The following LTBP2 variants were observed in gnomAD, a reference collection of about 807,000 sequenced individuals.
LTBP2 encodes the protein latent transforming growth factor beta binding protein 2, also known as latent-transforming growth factor beta-binding protein 2.
A neutral mutation model predicts 210.6 loss-of-function variants in LTBP2; 103 were observed. The observed-to-expected ratio is 0.49, with a 90% CI of 0.42 to 0.58. The LOEUF is 0.58. LTBP2 is among the 20% of genes least tolerant of loss of function. The pLI is 0.00. For missense variants in LTBP2, 2,313 were observed against 2,494.5 expected, an observed-to-expected ratio of 0.93 and a Z score of 1.55; for synonymous variants, 1,007 against 1,015.0, an observed-to-expected ratio of 0.99 and a Z score of 0.15.
intron 5 of LTBP2, 48 bp downstream of exon 5, chr14:74,552,844 T>C (rs369816471): frequency 1.0e-5 from 16 of 1,585,348 alleles, no homozygotes; most frequent in Non-Finnish European, 1.2e-5. Context: ...TCTGGCCATC[T>C]ACCCTCCAGG....
chr14:74,525,985 A>C (rs1216854612), intron 14 of LTBP2, 90 bp downstream of exon 14: 1 of 1,332,754 alleles, frequency 7.5e-7, no homozygotes, highest in Non-Finnish European at 1.1e-6. Flanking sequence ...GTGAGCGTGA[A>C]CCAGCTCACA....
At chr14:74,528,211 C>T (rs1018762453) in intron 12 of LTBP2, among the ~76,000 whole-genome samples, 3 of 152,186 alleles carry the variant, frequency 2.0e-5, no homozygotes, top group Non-Finnish European at 2.9e-5. Flanking sequence ...GAGGCCTGAT[C>T]GCTGGGGTGG....
At chr14:74,516,552 G>A (rs781092435) in intron 18 of LTBP2, among the ~76,000 whole-genome samples, 7 of 152,146 alleles carry the variant, frequency 4.6e-5, no homozygotes, top group East Asian at 1.9e-4. Context: ...GCAACAGGGC[G>A]GAGGTTACAG....
chr14:74,571,929 C>G (rs1426587848), intron 3 of LTBP2, among the ~76,000 whole-genome samples: 1 of 151,192 alleles, frequency 6.6e-6, no homozygotes, highest in Non-Finnish European at 1.5e-5. Flanking sequence ...CCTTTTAGAC[C>G]TTTCACAAAT....
At chr14:74,601,064 A>T (rs1325185837) in intron 2 of LTBP2, among the ~76,000 whole-genome samples, 1 of 152,086 alleles carries the variant, frequency 6.6e-6, no homozygotes, top group East Asian at 1.9e-4. Context: ...GGATGCTGTT[A>T]AAAAAATTAC....
At chr14:74,589,509 G>A (rs1429732720) in intron 2 of LTBP2, among the ~76,000 whole-genome samples, 1 of 152,178 alleles carries the variant, frequency 6.6e-6, no homozygotes, top group Non-Finnish European at 1.5e-5. Context: ...TCATGCCCAG[G>A]CACCTCTTCC....
rs529982792 is a variant in LTBP2 at position 74,527,924 on chromosome 14, C to T, written c.2369-558G>A. On this transcript the variant is annotated intron_variant, in intron 12 of 35. Transcript: ENST00000261978. ...TTTGACCAATCACATAGTTTGCTGG[C>T]GCTATGACGTTCCAGGCCTCCTGCA... 8.7e-4 allele frequency among the ~76,000 whole-genome samples: 133 copies of T among 152,372 alleles called. 2 individuals carry two copies. Among genetic ancestry groups the T allele is most frequent in the African/African-American group, 3.0e-3 (124 of 41,588 alleles).
chr14:74,502,862 C>A lies in LTBP2; in HGVS notation c.4961G>T (p.Gly1654Val). ...EREAGVHFRP[G>V]YEYGPGPDDL... ...ATCGGGCCCGGGGCCATACTCATAG[C>A]CTGGCCGGAAGTGGACCCCGGCCTC... The change falls in exon 34 of 36, where the codon GGC becomes GTC. Residue 1654 changes from glycine (G) to valine (V), a missense_variant. By Grantham distance (109) the Gly-to-Val change is moderately radical. Transcript: ENST00000261978. 1 of 1,613,960 alleles carries A rather than the reference C, an allele frequency of 6.2e-7. No individual in the cohort carries two copies. The highest frequency in any genetic ancestry group is 1.3e-5 in the African/African-American group (1 of 75,050).
intron 3 of LTBP2, among the ~76,000 whole-genome samples, chr14:74,558,794 G>C (rs1595275440): frequency 3.3e-5 from 5 of 152,308 alleles, no homozygotes; most frequent in Admixed American, 3.3e-4. Flanking sequence ...GTTTTGCAGA[G>C]AGGAAAACCA....
intron 31 of LTBP2, 101 bp downstream of exon 31, chr14:74,503,825 A>C: frequency 6.5e-7 from 1 of 1,537,444 alleles, no homozygotes; most frequent in Non-Finnish European, 8.9e-7. Flanking sequence ...CTCCCTAGGA[A>C]GGGGGACTCT....
chr14:74,568,936 A>G (rs2087937482), intron 3 of LTBP2, among the ~76,000 whole-genome samples: 1 of 152,148 alleles, frequency 6.6e-6, no homozygotes, highest in South Asian at 2.1e-4. Flanking sequence ...AAGGTTAAAA[A>G]TAGTCATGGA....
At chr14:74,610,787 C>T (rs551989312) in intron 1 of LTBP2, among the ~76,000 whole-genome samples, 76 of 152,356 alleles carry the variant, frequency 5.0e-4, no homozygotes, top group Middle Eastern at 3.4e-3. Flanking sequence ...GTCACGCTTA[C>T]ACCTAGATGC....
At chr14:74,527,160 C>T (rs2087283798) in intron 13 of LTBP2, among the ~76,000 whole-genome samples, 187 bp downstream of exon 13, 1 of 152,218 alleles carries the variant, frequency 6.6e-6, no homozygotes, top group East Asian at 1.9e-4. Flanking sequence ...GTTATCACTT[C>T]CTTTAGGGTA....
chr14:74,596,216 T>C (rs1450403900), intron 2 of LTBP2, among the ~76,000 whole-genome samples: 2 of 126,338 alleles, frequency 1.6e-5, no homozygotes, highest in Non-Finnish European at 3.6e-5. Context: ...CAGAGCCAGA[T>C]GCTGTTTCAA....
chr14:74,532,284 C>T, intron 10 of LTBP2, 142 bp downstream of exon 10: 1 of 1,146,446 alleles, frequency 8.7e-7, no homozygotes, highest in Non-Finnish European at 1.3e-6. Flanking sequence ...GGCCCAACTC[C>T]AGGTTGAATA....
intron 21 of LTBP2, 117 bp downstream of exon 21, chr14:74,509,617 C>G: frequency 6.8e-6 from 10 of 1,471,400 alleles, no homozygotes; most frequent in Non-Finnish European, 9.4e-6. Context: ...ATGGGGTCTT[C>G]TAGCCTAGCC....
intron 33 of LTBP2, 132 bp from the exon 34 acceptor site, chr14:74,503,066 C>T (rs2086932509): frequency 2.0e-6 from 3 of 1,472,406 alleles, no homozygotes; most frequent in African/African-American, 2.8e-5. Flanking sequence ...CTCCCCACCT[C>T]TCCCCTGCCC....
chr14:74,556,452 A>G (rs1225904326), intron 3 of LTBP2, among the ~76,000 whole-genome samples: 1 of 152,260 alleles, frequency 6.6e-6, no homozygotes, highest in Admixed American at 6.5e-5. Context: ...TAGTCCAGCT[A>G]AAGATGAATC....
In LTBP2 at chr14:74,506,134, A is replaced by G. The variant is rs571300509; in HGVS notation, c.4091T>C (p.Val1364Ala). ...ACAGAGGCACAGGAAGGAGCCCTCC[A>G]CGTTCTCACAGAGCGCGGCCCCACA... is the stretch of plus-strand genomic sequence containing the variant. ...AVCGAALCENVEGSFLCLCAS... is the reference protein window; with the variant it reads ...AVCGAALCENAEGSFLCLCAS... The change falls in exon 28 of 36, where the codon GTG becomes GCG. Residue 1364 changes from valine (V) to alanine (A), a missense_variant. Physicochemically the swap from Val to Ala is moderately conservative, Grantham distance 64. This residue lies in a region of LTBP2 where 1,867 missense variants were observed against 1,976.9 expected (regional missense o/e 0.94). Transcript: ENST00000261978. 5 of 1,614,152 alleles carry G rather than the reference A, an allele frequency of 3.1e-6. No homozygotes were observed. In the African/African-American group the frequency reaches 4.0e-5, roughly 13 times the overall value.
Sources: allele counts gnomAD v4.1 joint callset (sites outside exome capture counted in the v4.1 genomes callset), GRCh38; gene constraint gnomAD v4.1.1; regional missense constraint gnomAD v4.1.1; transcripts MANE v1.5; gene names NCBI Gene and HGNC (gene_info 2026-07-23, HGNC 2026-07-21).